Variants in CUL2 observed in about 807,000 individuals in gnomAD.
CUL2 encodes the protein cullin 2.
In CUL2, 22 loss-of-function variants were observed where a neutral mutation model predicts 110.2. The observed-to-expected ratio is 0.20, with a 90% CI of 0.14 to 0.28. The LOEUF is 0.28. Ranked by LOEUF, CUL2 falls within the 10% of genes least tolerant of loss-of-function variation. The pLI, the probability that CUL2 is intolerant of heterozygous loss-of-function variation, is 1.00. For missense variants in CUL2, 631 were observed against 905.5 expected, an observed-to-expected ratio of 0.70 and a Z score of 3.89; for synonymous variants, 279 against 293.2, an observed-to-expected ratio of 0.95 and a Z score of 0.49.
At chr10:35,106,303 TG>T (rs1184610153) in intron 1 of CUL2, among the ~76,000 whole-genome samples, 20 of 147,754 alleles carry the variant, frequency 1.4e-4, no homozygotes, top group Middle Eastern at 3.4e-3. Flanking sequence ...ATGTGTTTTT[TG>T]TTTTTTTTTT....
intron 1 of CUL2, among the ~76,000 whole-genome samples, chr10:35,075,406 A>AC (rs1020871950): frequency 2.0e-5 from 3 of 152,106 alleles, no homozygotes; most frequent in Non-Finnish European, 2.9e-5. Context: ...CACTATTTCT[A>AC]CCCCCCAAGC....
chr10:35,021,589 A>G (rs1006912151), intron 17 of CUL2, among the ~76,000 whole-genome samples: 1 of 150,354 alleles, frequency 6.7e-6, no homozygotes, highest in African/African-American at 2.4e-5. Context: ...TTACATATAC[A>G]TGTATATCCT....
In CUL2 at chr10:35,014,188, A is replaced by AT. The variant is rs969821627; in HGVS notation, c.1888-389dup. ...CACCCCATTTTGAAAAAGCAACCAC[A>AT]TTTTTTTTTACAAATGCCGCAGTAA... On this transcript the variant is annotated intron_variant, in intron 18 of 20. Transcript: ENST00000374749. 8.5e-3 allele frequency among the ~76,000 whole-genome samples: 1,288 copies of AT among 151,634 alleles called. 19 individuals are homozygous for AT. The highest frequency in any genetic ancestry group is 0.029 in the African/African-American group (1,183 of 41,358).
intron 14 of CUL2, 132 bp from the exon 15 acceptor site, chr10:35,029,772 G>C: frequency 1.7e-6 from 1 of 571,806 alleles, no homozygotes; most frequent in Middle Eastern, 4.5e-4. Context: ...CCAAGGACTA[G>C]TAATATATTC....
chr10:35,124,485 A>G (rs2087715474), intron 1 of CUL2, among the ~76,000 whole-genome samples: 1 of 152,164 alleles, frequency 6.6e-6, no homozygotes, highest in African/African-American at 2.4e-5. Context: ...AATAACAAAC[A>G]AATGGGTGGT....
At chr10:35,084,152 C>T (rs565686608) in intron 1 of CUL2, among the ~76,000 whole-genome samples, 15 of 152,160 alleles carry the variant, frequency 9.9e-5, no homozygotes, top group African/African-American at 3.6e-4. Context: ...TGGCAGACAC[C>T]TATAGTCCCA....
chr10:35,066,129 AATT>A (rs2086518541), intron 2 of CUL2, among the ~76,000 whole-genome samples: 1 of 152,200 alleles, frequency 6.6e-6, no homozygotes, highest in Non-Finnish European at 1.5e-5. Flanking sequence ...CGCTTGGCTT[AATT>A]TTGAGTTTTA....
At chr10:35,040,166 TAAATAAA>T (rs955005338) in intron 8 of CUL2, among the ~76,000 whole-genome samples, 1 of 151,940 alleles carries the variant, frequency 6.6e-6, no homozygotes, top group Non-Finnish European at 1.5e-5. Flanking sequence ...AAAATAAATA[TAAATAAA>T]AAATAAAAAA....
At chr10:35,125,007 T>C (rs1304219508) in intron 1 of CUL2, among the ~76,000 whole-genome samples, 8 of 152,186 alleles carry the variant, frequency 5.3e-5, no homozygotes, top group Admixed American at 5.2e-4. Flanking sequence ...TAAACATGAG[T>C]AGGTTTTTAA....
intron 3 of CUL2, 49 bp downstream of exon 3, chr10:35,062,906 TAGTAA>T: frequency 2.0e-6 from 2 of 1,013,700 alleles, no homozygotes; most frequent in Non-Finnish European, 3.1e-6. Flanking sequence ...AACAGTAAAC[TAGTAA>T]AGTATACAAC....
chr10:35,062,489 C>A lies in CUL2; in HGVS notation c.222+471G>T, dbSNP rs183235072. On this transcript the variant is annotated intron_variant, in intron 3 of 20. Transcript: ENST00000374749. ...GACCCTCTCCTTCATTTACTAATTA[C>A]GAGATGCTGAGCAAGTAAACTGATT... Among the ~76,000 whole-genome samples, 60 of 152,148 alleles carry A rather than the reference C, an allele frequency of 3.9e-4. 1 individual carries two copies. Among genetic ancestry groups the A allele is most frequent in the African/African-American group, 1.2e-3 (50 of 41,496 alleles).
chr10:35,088,828 A>G (rs1173526412), intron 1 of CUL2, among the ~76,000 whole-genome samples: 2 of 152,234 alleles, frequency 1.3e-5, no homozygotes, highest in Non-Finnish European at 2.9e-5. Context: ...GTGCATGCAC[A>G]TTGTAGAAAT....
Position 35,010,423 on chromosome 10 carries a change from G to A in CUL2, c.2126C>T (p.Ala709Val), listed in dbSNP as rs751467579. The change falls in exon 21 of 21, where the codon GCT (alanine) becomes GTT (valine). Residue 709 changes from alanine to valine, a missense_variant. By Grantham distance (64) the Ala-to-Val change is moderately conservative. This residue lies in a region of CUL2 where 159 missense variants were observed against 202.7 expected (regional missense o/e 0.78). Transcript: ENST00000374749. ...CATGCTGATACTGGGATTAAACCTA[G>A]CTCTTGACTGGCTAATCACCTGTGG... ...LIQEVISQSR[A>V]RFNPSISMIK... 6.2e-7 allele frequency: 1 copy of A among 1,609,972 alleles called. No individual in the cohort carries two copies.
At chr10:35,077,492 G>A (rs916389418) in intron 1 of CUL2, among the ~76,000 whole-genome samples, 14 of 151,796 alleles carry the variant, frequency 9.2e-5, no homozygotes, top group East Asian at 3.9e-4. Context: ...GCAAGACTCC[G>A]TCTCAAAAAA....
intron 1 of CUL2, among the ~76,000 whole-genome samples, chr10:35,071,737 T>C (rs1040728456): frequency 6.6e-6 from 1 of 152,118 alleles, no homozygotes; most frequent in Non-Finnish European, 1.5e-5. Flanking sequence ...ACTACATAAT[T>C]AAATAGCATG....
chr10:35,055,481 C>T (rs2086219583), intron 4 of CUL2, among the ~76,000 whole-genome samples: 4 of 152,174 alleles, frequency 2.6e-5, no homozygotes, highest in Admixed American at 2.6e-4. Context: ...GCCTGTAATC[C>T]CAGTGCTTTG....
chr10:35,052,741 A>C (rs1172402385), intron 5 of CUL2, among the ~76,000 whole-genome samples: 1 of 151,944 alleles, frequency 6.6e-6, no homozygotes, highest in Non-Finnish European at 1.5e-5. Flanking sequence ...TAAATATACA[A>C]AAAATTAGCC....
chr10:35,071,773 C>A (rs899597319), intron 1 of CUL2, among the ~76,000 whole-genome samples: 1 of 152,086 alleles, frequency 6.6e-6, no homozygotes, highest in Non-Finnish European at 1.5e-5. Context: ...GAGAAAAGAA[C>A]CCGGCACACA....
intron 1 of CUL2, among the ~76,000 whole-genome samples, chr10:35,115,490 G>A (rs961796163): frequency 4.6e-5 from 7 of 152,200 alleles, no homozygotes; most frequent in African/African-American, 1.7e-4. Context: ...AACCTGGGAG[G>A]CAGAGGTTGC....
Sources: gnomAD v4.1 joint callset for allele counts (sites outside exome capture counted in the v4.1 genomes callset) on GRCh38, gnomAD v4.1.1 for gene constraint, gnomAD v4.1.1 regional missense constraint, MANE v1.5 for transcripts, NCBI Gene and HGNC (gene_info 2026-07-23, HGNC 2026-07-21) for gene names.